PDE10A: variants seen among roughly 807,000 people sequenced by gnomAD.
PDE10A encodes cAMP and cAMP-inhibited cGMP 3',5'-cyclic phosphodiesterase 10A.
In PDE10A, 39 loss-of-function variants were observed where a neutral mutation model predicts 97.7. The observed-to-expected ratio is 0.40, with a 90% confidence interval of 0.31 to 0.52. The LOEUF (loss-of-function observed/expected upper bound fraction) is 0.52. PDE10A is among the 20% of genes least tolerant of loss of function. The pLI is 0.56. For missense variants in PDE10A, 731 were observed against 1,047.8 expected (o/e 0.70, Z 4.17); for synonymous variants, 371 against 376.8 (o/e 0.98, Z 0.18).
chr6:165,716,025 G>A (rs1368458604), intron 1 of PDE10A, among the ~76,000 whole-genome samples: 2 of 152,128 alleles, frequency 1.3e-5, no homozygotes, highest in South Asian at 2.1e-4. Flanking sequence ...CCCCTTACAC[G>A]TTGAGGATAA....
At chr6:165,880,149 A>G (rs1255155838) in intron 1 of PDE10A, among the ~76,000 whole-genome samples, 1 of 152,212 alleles carries the variant, frequency 6.6e-6, no homozygotes, top group East Asian at 1.9e-4. Flanking sequence ...CTGTGAGCCC[A>G]GGTGCTTGAG....
chr6:165,975,134 T>C (rs923555343), intron 1 of PDE10A, among the ~76,000 whole-genome samples: 1 of 152,230 alleles, frequency 6.6e-6, no homozygotes, highest in East Asian at 1.9e-4. Context: ...TCCCCAAGAC[T>C]TGCTGATAAA....
chr6:165,418,792 CAAAAT>C lies in PDE10A; in HGVS notation c.1654-20_1654-16del, dbSNP rs1183254231. 18 of 1,607,824 alleles carry C rather than the reference CAAAAT, an allele frequency of 1.1e-5. No homozygotes were observed. The highest frequency in any genetic ancestry group is 1.5e-5 in the Non-Finnish European group (18 of 1,176,978). On this transcript the variant is annotated splice_polypyrimidine_tract_variant and intron_variant, in intron 10 of 21. Transcript: ENST00000539869. This position sits in a 1 kb window ranked among gnomAD's most constrained non-coding sequence, Gnocchi z 4.8. Reference sequence around the variant, plus strand: ...TTTGCATATATCTAAAGACAAATGACAAAATAAGAGGAAGACAATGAGACATTCAA... The same window carrying C: ...TTTGCATATATCTAAAGACAAATGACAAGAGGAAGACAATGAGACATTCAA...
intron 1 of PDE10A, among the ~76,000 whole-genome samples, chr6:165,751,401 G>C (rs1255162577): frequency 6.6e-6 from 1 of 152,206 alleles, no homozygotes; most frequent in Non-Finnish European, 1.5e-5. Context: ...AGCTGGAACT[G>C]AGGGCAGCAA....
In PDE10A at chr6:165,427,254, C is replaced by T. The variant is rs151304190; in HGVS notation, c.1653+1404G>A. ...TGAATGGATTTTTTAAAATCTGGTA[C>T]GTATATCCACAAAATGGAATATTAT... On this transcript the variant is annotated intron_variant, in intron 10 of 21. Coordinates refer to ENST00000539869, the MANE Select transcript of PDE10A (RefSeq NM_001385079.1). 4.6e-5 allele frequency among the ~76,000 whole-genome samples: 7 copies of T among 152,110 alleles called. No homozygotes were observed. The South Asian group carries it at 6.2e-4, about 14-fold the overall frequency.
chr6:165,715,965 G>T (rs946179202), intron 1 of PDE10A, among the ~76,000 whole-genome samples: 2 of 152,178 alleles, frequency 1.3e-5, no homozygotes, highest in African/African-American at 4.8e-5. Flanking sequence ...AATAGTGAAT[G>T]CAGGCTTTTT....
At chr6:165,880,760 A>T (rs1285174239) in intron 1 of PDE10A, among the ~76,000 whole-genome samples, 1 of 152,204 alleles carries the variant, frequency 6.6e-6, no homozygotes, top group Non-Finnish European at 1.5e-5. Flanking sequence ...AAGACTTTTC[A>T]TTGGGAACAG....
chr6:165,396,073 T>C (rs919069697), intron 14 of PDE10A, among the ~76,000 whole-genome samples: 1 of 152,184 alleles, frequency 6.6e-6, no homozygotes, highest in African/African-American at 2.4e-5. Flanking sequence ...AATGCTAACA[T>C]TTAGGTTAAC....
At chr6:165,798,219 G>A (rs77020217) in intron 1 of PDE10A, among the ~76,000 whole-genome samples, 4,633 of 152,248 alleles carry the variant, frequency 0.03, 98 homozygotes, top group Middle Eastern at 0.092. Context: ...ACATACGAAA[G>A]TTCCTAATTG....
chr6:165,375,832 C>G (rs1784573751), intron 18 of PDE10A, among the ~76,000 whole-genome samples: 1 of 152,214 alleles, frequency 6.6e-6, no homozygotes, highest in African/African-American at 2.4e-5. Flanking sequence ...TGTCTGTGCT[C>G]TATAAATGGA....
intron 1 of PDE10A, among the ~76,000 whole-genome samples, chr6:165,710,661 T>C (rs1277512426): frequency 6.6e-6 from 1 of 152,208 alleles, no homozygotes; most frequent in Admixed American, 6.5e-5. Flanking sequence ...GCAATAAAAG[T>C]CATCAGATAA....
chr6:165,410,895 T>C (rs796403250), intron 13 of PDE10A, among the ~76,000 whole-genome samples: 41 of 130,540 alleles, frequency 3.1e-4, no homozygotes, highest in African/African-American at 1.2e-3. Flanking sequence ...GAGACCATCC[T>C]GGCTAACACG....
intron 1 of PDE10A, among the ~76,000 whole-genome samples, chr6:165,905,369 A>T (rs1215449272): frequency 6.6e-6 from 1 of 152,208 alleles, no homozygotes; most frequent in East Asian, 1.9e-4. Flanking sequence ...CTAAGTTTAC[A>T]TACATGCAAT....
At chr6:165,506,395 C>T (rs958228714) in intron 2 of PDE10A, among the ~76,000 whole-genome samples, 4 of 152,086 alleles carry the variant, frequency 2.6e-5, no homozygotes, top group Non-Finnish European at 4.4e-5. Flanking sequence ...ATTCTCCCCA[C>T]TTTAAAAATG....
intron 1 of PDE10A, among the ~76,000 whole-genome samples, chr6:165,956,095 A>G (rs907357213): frequency 5.9e-5 from 9 of 152,242 alleles, no homozygotes; most frequent in Non-Finnish European, 1.2e-4. Context: ...GTCTGATACT[A>G]TTAGATTTTT....
chr6:165,724,985 G>A (rs1335253602), intron 1 of PDE10A, among the ~76,000 whole-genome samples: 1 of 152,190 alleles, frequency 6.6e-6, no homozygotes, highest in African/African-American at 2.4e-5. Context: ...TCCGGCCTGT[G>A]CCCACAGACC....
intron 17 of PDE10A, among the ~76,000 whole-genome samples, chr6:165,386,883 G>A (rs1252360430): frequency 6.6e-6 from 1 of 151,558 alleles, no homozygotes; most frequent in Non-Finnish European, 1.5e-5. Context: ...GGGCATGGTG[G>A]TGGGCTCCTG....
chr6:165,844,828 C>A (rs912315142), intron 1 of PDE10A, among the ~76,000 whole-genome samples: 1 of 152,178 alleles, frequency 6.6e-6, no homozygotes, highest in Non-Finnish European at 1.5e-5. Context: ...TCAGTACAAA[C>A]CCTGCCTGGG....
chr6:165,743,503 T>C (rs1471325942), intron 1 of PDE10A, among the ~76,000 whole-genome samples: 3 of 152,230 alleles, frequency 2.0e-5, no homozygotes, highest in Admixed American at 1.3e-4. Flanking sequence ...TCTCCGTCTG[T>C]AGAATCACTG....
Sources: allele counts gnomAD v4.1 joint callset (sites outside exome capture counted in the v4.1 genomes callset), GRCh38; gene constraint gnomAD v4.1.1; non-coding constraint Gnocchi (gnomAD v3.1); transcripts MANE v1.5; gene names NCBI Gene and HGNC (gene_info 2026-07-23, HGNC 2026-07-21).